USP45: variants seen among roughly 807,000 people sequenced by gnomAD.
USP45 encodes ubiquitin carboxyl-terminal hydrolase 45.
In USP45, 89 loss-of-function variants were observed where a neutral mutation model predicts 95.8. That is an observed-to-expected ratio of 0.93 (90% CI 0.78 to 1.11). The LOEUF is 1.11. USP45 is among the 50% of genes least tolerant of loss of function. The pLI, the probability that USP45 is intolerant of heterozygous loss-of-function variation, is 0.00. For missense variants in USP45, 898 were observed against 942.5 expected, an observed-to-expected ratio of 0.95 and a Z score of 0.62; for synonymous variants, 281 against 316.2, an observed-to-expected ratio of 0.89 and a Z score of 1.18.
At chr6:99,483,844 CAAA>C (rs71276584) in intron 7 of USP45, among the ~76,000 whole-genome samples, 2 of 86,586 alleles carry the variant, frequency 2.3e-5, no homozygotes, top group South Asian at 4.7e-4. Flanking sequence ...GACTCCGTCT[CAAA>C]AAAAAAAAAA....
rs538004447 is a variant in USP45, at chr6:99,435,943, A to T, written c.2315-97T>A. ...AACATATTCATTACAAACTCTATCT[A>T]ATGCCAAATTTTACCTGAGAAGCCT... is the stretch of plus-strand genomic sequence containing the variant. On this transcript the variant is annotated intron_variant, in intron 17 of 17. Coordinates refer to ENST00000500704, the MANE Select transcript of USP45 (RefSeq NM_001346022.3). 2.8e-5 allele frequency: 35 copies of T among 1,256,294 alleles called. No individual in the cohort carries two copies. The Admixed American group carries it at 8.0e-4, about 29-fold the overall frequency. 77.8% of individuals were successfully genotyped at this position (1,256,294 alleles called of 1,614,324 possible).
intron 4 of USP45, among the ~76,000 whole-genome samples, chr6:99,504,596 C>T (rs1224292421): frequency 6.6e-6 from 1 of 151,968 alleles, no homozygotes; most frequent in Non-Finnish European, 1.5e-5. Context: ...GAAACAGTAA[C>T]AAATTAGATA....
intron 13 of USP45, chr6:99,461,232 A>G (rs915611403): frequency 1.0e-6 from 1 of 985,252 alleles, no homozygotes; most frequent in Non-Finnish European, 1.2e-6. Context: ...TCAATTTGAG[A>G]TTTTCCAGTC....
chr6:99,494,468 C>T (rs568463849), intron 5 of USP45, among the ~76,000 whole-genome samples: 51 of 151,848 alleles, frequency 3.4e-4, no homozygotes, highest in African/African-American at 1.2e-3. Flanking sequence ...ACCAGCAAAG[C>T]AAAAACAAAA....
chr6:99,512,529 G>C (rs1373379130), intron 1 of USP45, among the ~76,000 whole-genome samples: 1 of 152,086 alleles, frequency 6.6e-6, no homozygotes, highest in Non-Finnish European at 1.5e-5. Flanking sequence ...AGAGTAGCTT[G>C]GCCTACCTTT....
chr6:99,466,546 GAATCATTATGT>G, intron 11 of USP45, 115 bp downstream of exon 11: 1 of 715,866 alleles, frequency 1.4e-6, no homozygotes, highest in East Asian at 2.8e-5. Context: ...AGACTTTCAA[GAATCATTATGT>G]AATCATCTGT....
chr6:99,439,678 A>AT (rs1291320026), intron 16 of USP45, 91 bp downstream of exon 16: 26 of 924,110 alleles, frequency 2.8e-5, no homozygotes, highest in Non-Finnish European at 3.6e-5. Flanking sequence ...AAGAGAAGTT[A>AT]TTTTTTTAGA....
At chr6:99,496,864 C>T (rs1327580572) in intron 5 of USP45, among the ~76,000 whole-genome samples, 1 of 151,922 alleles carries the variant, frequency 6.6e-6, no homozygotes, top group Non-Finnish European at 1.5e-5. Context: ...TGCATAGCCT[C>T]CATTATCAAC....
At position 99,449,199 on chromosome 6, in the gene USP45, GCT is replaced by G. The variant is rs1355142449; in HGVS notation, c.1309-2738_1309-2737del. Among the ~76,000 whole-genome samples, 22 of 152,258 alleles carry G rather than the reference GCT, an allele frequency of 1.4e-4. No homozygotes were observed. The East Asian group carries it at 3.5e-3, about 24-fold the overall frequency. On this transcript the variant is annotated intron_variant, in intron 13 of 17. Transcript: ENST00000500704. ...AACCTTAAATGTACATGGGCTAAAT[GCT>G]CCAATTAAAAGATACAGACTGAAAA...
chr6:99,509,992 C>A, intron 2 of USP45, 129 bp downstream of exon 2: 1 of 689,938 alleles, frequency 1.4e-6, no homozygotes, highest in South Asian at 1.9e-5. Flanking sequence ...GTGTATTTTC[C>A]ATCTAGGTTT....
At position 99,435,801 on chromosome 6, in the gene USP45, A is replaced by T. The variant is rs745503768; in HGVS notation, c.2360T>A (p.Val787Asp). 4.3e-6 allele frequency: 7 copies of T among 1,613,840 alleles called. No individual in the cohort carries two copies. The South Asian group carries it at 7.7e-5, about 18-fold the overall frequency. The change falls in exon 18 of 18, where the codon GTT (valine) becomes GAT (aspartate). Residue 787 changes from valine to aspartate, a missense_variant. Val to Asp is a radical substitution (Grantham distance 152, BLOSUM62 -3). Transcript: ENST00000500704. ...DNESAGQWVH[V>D]SDTYLQVVPE... ...AACCACCTGTAAGTAAGTGTCACTA[A>T]CATGGACCCACTGGCCTGCTGATTC...
rs1264729772 is a variant in USP45, at chr6:99,433,832, T to G, written c.*1884A>C. 1 of 152,222 alleles carries G rather than the reference T, an allele frequency of 6.6e-6. No individual in the cohort carries two copies. The highest frequency in any genetic ancestry group is 1.9e-4 in the East Asian group (1 of 5,200). The allele number at this position is 152,222 out of a possible 1,614,324, so 9.4% of individuals were successfully genotyped here. A position where few individuals can be genotyped will look rare whatever the true frequency, so the allele number is the denominator to read the frequency against. On this transcript the variant is annotated 3_prime_UTR_variant, in exon 18 of 18. Transcript: ENST00000500704. ...AAACAAGAAACAAGTGACCATCCGA[T>G]GAAAAGTGCATGCCTCTTAACAGTA...
intron 13 of USP45, among the ~76,000 whole-genome samples, chr6:99,456,980 C>T (rs947372344): frequency 2.0e-5 from 3 of 152,196 alleles, no homozygotes; most frequent in Non-Finnish European, 2.9e-5. Context: ...GAATGGCCCC[C>T]CTGGGCGTAG....
intron 6 of USP45, 62 bp downstream of exon 6, chr6:99,488,619 C>T: frequency 6.6e-7 from 1 of 1,513,042 alleles, no homozygotes; most frequent in Non-Finnish European, 8.9e-7. Context: ...TACAGGTGAG[C>T]CAATGACTAC....
chr6:99,515,334 C>T (rs952239019), intron 1 of USP45, 58 bp downstream of exon 1: 1 of 152,208 alleles, frequency 6.6e-6, no homozygotes, highest in African/African-American at 2.4e-5. Flanking sequence ...AAGCGAAGAC[C>T]GAGAAACTGC....
intron 13 of USP45, among the ~76,000 whole-genome samples, chr6:99,455,453 A>G (rs990424338): frequency 2.9e-4 from 12 of 41,756 alleles, no homozygotes; most frequent in African/African-American, 8.2e-4. Context: ...TCTGTCTCAA[A>G]CAACAACAAC....
intron 5 of USP45, among the ~76,000 whole-genome samples, chr6:99,491,753 T>A (rs1795217623): frequency 6.6e-6 from 1 of 152,000 alleles, no homozygotes; most frequent in African/African-American, 2.4e-5. Flanking sequence ...TCCTCAAAAA[T>A]ATCTTTTTTT....
rs1414876642 is a variant in USP45 at position 99,432,384 on chromosome 6, T to C, written c.*3332A>G. 1.3e-5 allele frequency: 2 copies of C among 152,098 alleles called. No individual in the cohort carries two copies. The highest frequency in any genetic ancestry group is 2.9e-5 in the Non-Finnish European group (2 of 68,048). The allele number at this position is 152,098 out of a possible 1,614,324, so 9.4% of individuals were successfully genotyped here. On this transcript the variant is annotated 3_prime_UTR_variant, in exon 18 of 18. Transcript: ENST00000500704. ...GACTAAGACATAAGCAAATGCATTG[T>C]TGATAAAACATTCTGTCAATAACGT...
At chr6:99,468,459 T>C (rs1378466895) in intron 10 of USP45, 78 bp downstream of exon 10, 2 of 966,920 alleles carry the variant, frequency 2.1e-6, no homozygotes, top group Non-Finnish European at 3.1e-6. Context: ...GTTCACATAA[T>C]GTTCAGTTCT....
Sources: allele counts gnomAD v4.1 joint callset (sites outside exome capture counted in the v4.1 genomes callset), GRCh38; gene constraint gnomAD v4.1.1; transcripts MANE v1.5; gene names NCBI Gene and HGNC (gene_info 2026-07-23, HGNC 2026-07-21).